The following CUX1 variants were observed in gnomAD, a reference collection of about 807,000 sequenced individuals.
The protein encoded by CUX1 is protein CASP.
Under a neutral mutation model 158.8 loss-of-function variants are expected in CUX1, and 31 were observed. The observed-to-expected ratio is 0.20, with a 90% CI of 0.15 to 0.26. The LOEUF is 0.26. Ranked by LOEUF, CUX1 falls within the 10% of genes least tolerant of loss-of-function variation. The probability of loss-of-function intolerance (pLI) is 1.00; values close to 1 mark genes in which losing one functional copy is unlikely to be tolerated. For synonymous variants in CUX1, 879 were observed against 862.1 expected (o/e 1.02, Z -0.34); for missense variants, 1,589 against 2,014.6 (o/e 0.79, Z 4.04).
intron 8 of CUX1, 103 bp from the exon 9 acceptor site, chr7:102,158,457 T>C: frequency 7.0e-6 from 8 of 1,143,578 alleles, no homozygotes; most frequent in Non-Finnish European, 1.1e-5. Flanking sequence ...CTCACGGGTC[T>C]GCACAGCCCT....
intron 3 of CUX1, among the ~76,000 whole-genome samples, chr7:102,049,596 T>A (rs1274274323): frequency 6.6e-6 from 1 of 151,890 alleles, no homozygotes; most frequent in Non-Finnish European, 1.5e-5. Context: ...CCAGGTGTGA[T>A]GGAGAGGCCG....
intron 2 of CUX1, among the ~76,000 whole-genome samples, chr7:101,920,416 C>T (rs1163590762): frequency 6.6e-6 from 1 of 152,122 alleles, no homozygotes; most frequent in East Asian, 1.9e-4. Context: ...GCCACCGCGC[C>T]TGGCCGTAGT....
chr7:101,862,412 A>T (rs1346673014), intron 1 of CUX1, among the ~76,000 whole-genome samples: 1 of 152,114 alleles, frequency 6.6e-6, no homozygotes, highest in Non-Finnish European at 1.5e-5. Context: ...GGTTGACACC[A>T]GGCCACCAGT....
At position 102,167,993 on chromosome 7, in the gene CUX1, G is replaced by A. The variant is rs560325865; in HGVS notation, c.724-2453G>A. ...CTCGGGAGGCTGAGGCAGGAGAATC[G>A]CTTGAACCCGGGAGGCGGAGGTTGC... On this transcript the variant is annotated intron_variant, in intron 9 of 23. Coordinates refer to ENST00000292535, the MANE Select transcript of CUX1 (RefSeq NM_181552.4). Among the ~76,000 whole-genome samples, 9 of 151,834 alleles carry A rather than the reference G, an allele frequency of 5.9e-5. No homozygotes were observed. In the South Asian group the frequency reaches 1.2e-3, roughly 21 times the overall value.
At chr7:101,903,942 T>C (rs893978145) in intron 1 of CUX1, among the ~76,000 whole-genome samples, 2 of 152,078 alleles carry the variant, frequency 1.3e-5, no homozygotes, top group Non-Finnish European at 1.5e-5. Flanking sequence ...ATAGACCAAA[T>C]TATAATTTTT....
chr7:101,856,885 G>A (rs1417122877), intron 1 of CUX1, among the ~76,000 whole-genome samples: 3 of 152,018 alleles, frequency 2.0e-5, no homozygotes, highest in Admixed American at 6.6e-5. Flanking sequence ...GCTCTCCCAC[G>A]CCTGCCAGCC....
intron 3 of CUX1, among the ~76,000 whole-genome samples, chr7:102,049,317 A>G (rs2085215478): frequency 6.6e-6 from 1 of 152,194 alleles, no homozygotes; most frequent in African/African-American, 2.4e-5. Context: ...CCGTTCTGCC[A>G]TTTCATCTGC....
intron 8 of CUX1, among the ~76,000 whole-genome samples, chr7:102,156,200 C>T (rs74656237): frequency 0.019 from 2,947 of 152,220 alleles, 107 homozygotes; most frequent in African/African-American, 0.068. Context: ...CAACTCTCAG[C>T]GTCCAGGGTG....
chr7:101,986,178 A>C (rs932096724), intron 2 of CUX1, among the ~76,000 whole-genome samples: 1 of 152,220 alleles, frequency 6.6e-6, no homozygotes, highest in South Asian at 2.1e-4. Flanking sequence ...GTAATTTTGC[A>C]CAAGTGTTAA....
At chr7:101,974,340 T>G (rs1482469786) in intron 2 of CUX1, among the ~76,000 whole-genome samples, 1 of 152,198 alleles carries the variant, frequency 6.6e-6, no homozygotes, top group Non-Finnish European at 1.5e-5. Context: ...TCTAGTTTTA[T>G]CCTCTCTGTG....
chr7:102,166,576 G>A (rs1367383397), intron 9 of CUX1, among the ~76,000 whole-genome samples: 3 of 152,172 alleles, frequency 2.0e-5, no homozygotes, highest in African/African-American at 7.2e-5. Flanking sequence ...ACCACACGCC[G>A]ACCCGGGACA....
intron 1 of CUX1, among the ~76,000 whole-genome samples, chr7:101,821,341 CTTT>C (rs558871601): frequency 4.3e-5 from 6 of 140,824 alleles, no homozygotes; most frequent in Non-Finnish European, 4.7e-5. Context: ...TATTTTCTTT[CTTT>C]TTTTTTTTTT....
chr7:102,277,940 C>T (rs1791722881), intron 17 of CUX1: 1 of 1,468,520 alleles, frequency 6.8e-7, no homozygotes, highest in South Asian at 1.3e-5. Flanking sequence ...CTTGCCCCTC[C>T]CCCCCCAGGA....
At chr7:102,058,644 A>G (rs1306761273) in intron 3 of CUX1, among the ~76,000 whole-genome samples, 1 of 152,118 alleles carries the variant, frequency 6.6e-6, no homozygotes, top group Non-Finnish European at 1.5e-5. Context: ...GTATACCCGT[A>G]TATTGATCTT....
chr7:101,978,690 G>T (rs1813027126), intron 2 of CUX1, among the ~76,000 whole-genome samples: 1 of 152,162 alleles, frequency 6.6e-6, no homozygotes, highest in African/African-American at 2.4e-5. Flanking sequence ...GGCCCCTCTA[G>T]CCCCGGTCTT....
chr7:101,891,659 A>G (rs10226289), intron 1 of CUX1, among the ~76,000 whole-genome samples: 1 of 152,030 alleles, frequency 6.6e-6, no homozygotes, highest in Non-Finnish European at 1.5e-5. Flanking sequence ...TAGAAGACGC[A>G]CTCATAATCA....
intron 18 of CUX1, 121 bp downstream of exon 18, chr7:102,202,325 GCATCCTCTGCTCC>G: frequency 7.6e-7 from 1 of 1,322,282 alleles, no homozygotes; most frequent in Non-Finnish European, 1.0e-6. Flanking sequence ...AGAGCGTAAG[GCATCCTCTGCTCC>G]CAGACTTCCA....
chr7:102,063,643 T>G (rs1249809012), intron 3 of CUX1, among the ~76,000 whole-genome samples: 1 of 152,138 alleles, frequency 6.6e-6, no homozygotes, highest in African/African-American at 2.4e-5. Context: ...TCCACCCACC[T>G]TGGCCTCCCA....
At chr7:102,133,669 G>T (rs1236290007) in intron 8 of CUX1, among the ~76,000 whole-genome samples, 2 of 151,752 alleles carry the variant, frequency 1.3e-5, no homozygotes, top group Admixed American at 1.3e-4. Context: ...TAGAGACAGG[G>T]TTTCACCATG....
Sources: allele counts gnomAD v4.1 joint callset (sites outside exome capture counted in the v4.1 genomes callset), GRCh38; gene constraint gnomAD v4.1.1; transcripts MANE v1.5; gene names NCBI Gene and HGNC (gene_info 2026-07-23, HGNC 2026-07-21).